SUCO: variants seen among roughly 807,000 people sequenced by gnomAD.
The protein encoded by SUCO is SUN domain-containing ossification factor.
A neutral mutation model predicts 148.1 loss-of-function variants in SUCO; 57 were observed. The ratio of observed to expected loss-of-function variants is 0.38; its 90% confidence interval spans 0.31 to 0.48. The LOEUF (loss-of-function observed/expected upper bound fraction) is 0.48. SUCO is among the 20% of genes least tolerant of loss of function. SUCO has a pLI of 0.96. For missense variants in SUCO, 1,331 were observed against 1,468.2 expected (o/e 0.91, Z 1.53); for synonymous variants, 470 against 502.7 (o/e 0.93, Z 0.87).
intron 17 of SUCO, among the ~76,000 whole-genome samples, chr1:172,586,674 A>G (rs1656268896): frequency 6.6e-6 from 1 of 152,034 alleles, no homozygotes; most frequent in Admixed American, 6.6e-5. Context: ...TCTTAGAACA[A>G]CTCTACTTAA....
chr1:172,569,008 G>T lies in SUCO; in HGVS notation c.733-11G>T, dbSNP rs773360651. 1.1e-4 allele frequency: 177 copies of T among 1,551,030 alleles called. No individual in the cohort carries two copies. Among genetic ancestry groups the T allele is most frequent in the Non-Finnish European group, 3.7e-5 (43 of 1,160,538 alleles). On this transcript the variant is annotated splice_polypyrimidine_tract_variant and intron_variant, in intron 6 of 23. Coordinates refer to ENST00000263688, the MANE Select transcript of SUCO (RefSeq NM_014283.5). ...AGTTGAAGTCTTCTTACTTTTTGGT[G>T]TTTCTTTCAGAGCTCTGATTATACA... is the stretch of plus-strand genomic sequence containing the variant.
At chr1:172,574,820 T>G (rs1055235376) in intron 10 of SUCO, 1 of 887,456 alleles carries the variant, frequency 1.1e-6, no homozygotes, top group African/African-American at 1.8e-5. Flanking sequence ...CACCTCACAC[T>G]CAGCACTGCA....
intron 6 of SUCO, among the ~76,000 whole-genome samples, chr1:172,564,896 C>T (rs1654444814): frequency 6.6e-6 from 1 of 152,096 alleles, no homozygotes; most frequent in Non-Finnish European, 1.5e-5. Flanking sequence ...CCAAATTAAA[C>T]AAAACATTTT....
chr1:172,538,036 TTTTGAAAGGA>T (rs1652155119), intron 1 of SUCO, among the ~76,000 whole-genome samples: 1 of 152,126 alleles, frequency 6.6e-6, no homozygotes, highest in Non-Finnish European at 1.5e-5. Flanking sequence ...TAGAGCTAGG[TTTTGAAAGGA>T]TTTGATTATC....
At chr1:172,582,653 C>T (rs986375749) in intron 15 of SUCO, among the ~76,000 whole-genome samples, 3 of 152,004 alleles carry the variant, frequency 2.0e-5, no homozygotes, top group Non-Finnish European at 4.4e-5. Flanking sequence ...ATGGTGTATA[C>T]AAACTATCAT....
Position 172,585,891 on chromosome 1 carries a change from C to T in SUCO, c.1601C>T (p.Thr534Ile), listed in dbSNP as rs921089340. Residue 534 changes from threonine to isoleucine, a missense_variant, in exon 17 of 24, where the codon ACA (threonine) becomes ATA (isoleucine). By Grantham distance (89) the Thr-to-Ile change is moderately conservative. Transcript: ENST00000263688. ...NKSISENATATAAPKMPESTP... is the reference protein window; with the variant it reads ...NKSISENATAIAAPKMPESTP... ...AGTATATCTGAGAATGCCACTGCCA[C>T]AGCTGCACCTAAAATGCCTGAATCA... 1.9e-6 allele frequency: 3 copies of T among 1,610,958 alleles called. No individual in the cohort carries two copies. In the Admixed American group the frequency reaches 5.0e-5, roughly 27 times the overall value.
At chr1:172,572,696 T>TAAAAAAAACAAA (rs1655127829) in intron 9 of SUCO, among the ~76,000 whole-genome samples, 1 of 49,600 alleles carries the variant, frequency 2.0e-5, no homozygotes, top group Non-Finnish European at 3.7e-5. Flanking sequence ...GAATGATCAA[T>TAAAAAAAACAAA]AAAAAAAAAA....
intron 19 of SUCO, chr1:172,599,578 T>C (rs1333169690): frequency 3.2e-5 from 6 of 189,212 alleles, no homozygotes; most frequent in Non-Finnish European, 5.9e-5. Flanking sequence ...TATTTCACTA[T>C]GTACCATCCT....
At chr1:172,532,936 C>G, upstream of SUCO, 1 of 1,360,860 alleles carries the variant, frequency 7.3e-7, no homozygotes, top group South Asian at 1.5e-5. Context: ...TCTCCTGCCT[C>G]CGGCTTCTCC....
intron 1 of SUCO, among the ~76,000 whole-genome samples, chr1:172,546,008 C>T (rs1558172435): frequency 6.6e-6 from 1 of 152,018 alleles, no homozygotes; most frequent in African/African-American, 2.4e-5. Context: ...CACCACTCAC[C>T]GCAGCCTTGA....
intron 1 of SUCO, among the ~76,000 whole-genome samples, chr1:172,538,960 T>C (rs1238763453): frequency 2.0e-5 from 3 of 152,220 alleles, no homozygotes; most frequent in Non-Finnish European, 4.4e-5. Context: ...ACGTGTTTCA[T>C]GTTGGTCCTT....
intron 22 of SUCO, among the ~76,000 whole-genome samples, chr1:172,607,138 T>C (rs1053971179): frequency 6.6e-6 from 1 of 151,934 alleles, no homozygotes; most frequent in African/African-American, 2.4e-5. Flanking sequence ...AAATCTAATA[T>C]CTTAAATTTT....
At chr1:172,585,236 A>G (rs1656156637) in intron 16 of SUCO, 150 bp downstream of exon 16, 3 of 784,692 alleles carry the variant, frequency 3.8e-6, no homozygotes, top group Non-Finnish European at 5.5e-6. Flanking sequence ...TTTATTATTC[A>G]TTGTTTATTT....
At chr1:172,588,148 T>A in intron 17 of SUCO, 1 of 985,266 alleles carries the variant, frequency 1.0e-6, no homozygotes, top group South Asian at 4.7e-5. Flanking sequence ...GTCCTTAAAG[T>A]AGATAATCCT....
chr1:172,606,240 AG>A (rs1657856474), intron 22 of SUCO, among the ~76,000 whole-genome samples: 1 of 151,152 alleles, frequency 6.6e-6, no homozygotes, highest in Admixed American at 6.6e-5. Context: ...TTGGTATGTA[AG>A]GTTTATAAAA....
rs768774555 is a variant in SUCO at position 172,609,946 on chromosome 1, G to A, written c.3452G>A (p.Gly1151Glu). 15 of 1,613,822 alleles carry A rather than the reference G, an allele frequency of 9.3e-6. No homozygotes were observed. The Admixed American group carries it at 2.0e-4, about 22-fold the overall frequency. Residue 1151 changes from glycine (G) to glutamate (E), a missense_variant, in exon 24 of 24, where the codon GGA (glycine) becomes GAA (glutamate). By Grantham distance (98) the Gly-to-Glu change is moderately conservative. Around this residue, in one of 3 missense-constraint regions of SUCO, gnomAD observed 334 missense variants for 352.3 expected, o/e 0.95. Transcript: ENST00000263688. Reference protein sequence around the residue: ...FTNQRDFSNMGEVYHSSYKGP... With the variant: ...FTNQRDFSNMEEVYHSSYKGP... ...AACCAGAGAGATTTTTCTAATATGG[G>A]AGAAGTTTATCACTCTTCTTATAAA... is the stretch of plus-strand genomic sequence containing the variant.
chr1:172,553,885 A>G (rs1462484874), intron 3 of SUCO, among the ~76,000 whole-genome samples: 1 of 152,220 alleles, frequency 6.6e-6, no homozygotes, highest in Admixed American at 6.5e-5. Context: ...ACTAGAATAT[A>G]TACACCATAA....
intron 19 of SUCO, among the ~76,000 whole-genome samples, chr1:172,595,272 C>A (rs1657011532): frequency 6.6e-6 from 1 of 152,142 alleles, no homozygotes; most frequent in South Asian, 2.1e-4. Flanking sequence ...GCTTTTAGCC[C>A]ATTTACATTT....
upstream of SUCO, chr1:172,533,132 C>G: frequency 6.9e-7 from 1 of 1,440,488 alleles, no homozygotes; most frequent in Non-Finnish European, 9.1e-7. Context: ...AGCAAGGCCC[C>G]CGGCGGGCGG....
Sources: allele counts gnomAD v4.1 joint callset (sites outside exome capture counted in the v4.1 genomes callset), GRCh38; gene constraint gnomAD v4.1.1; regional missense constraint gnomAD v4.1.1; transcripts MANE v1.5; gene names NCBI Gene and HGNC (gene_info 2026-07-23, HGNC 2026-07-21).